The following STK3 variants were observed in gnomAD, a reference collection of about 807,000 sequenced individuals.
STK3 encodes the protein serine/threonine kinase 3.
Under a neutral mutation model 58.0 loss-of-function variants are expected in STK3, and 41 were observed. The ratio of observed to expected loss-of-function variants is 0.71; its 90% CI spans 0.55 to 0.92. The LOEUF (loss-of-function observed/expected upper bound fraction) is 0.92, where lower values mean the gene tolerates loss of function less well. Among genes scored for constraint, STK3 ranks in the 40% least tolerant of loss-of-function variants. The pLI, the probability that STK3 is intolerant of heterozygous loss-of-function variation, is 0.00. For missense variants in STK3, 479 were observed against 602.7 expected (o/e 0.79, Z 2.15); for synonymous variants, 170 against 191.0 (o/e 0.89, Z 0.91).
At chr8:98,787,146 C>A (rs1192586634) in intron 1 of STK3, among the ~76,000 whole-genome samples, 2 of 104,070 alleles carry the variant, frequency 1.9e-5, no homozygotes, top group African/African-American at 7.8e-5. Context: ...TCCAATCTGG[C>A]AACAGAGCGA....
chr8:98,797,486 A>G (rs547850772), intron 1 of STK3, among the ~76,000 whole-genome samples: 68 of 152,314 alleles, frequency 4.5e-4, no homozygotes, highest in African/African-American at 1.6e-3. Context: ...CCTTTCTGGT[A>G]TGTCATTACA....
chr8:98,886,287 G>C (rs1262669279), intron 1 of STK3, among the ~76,000 whole-genome samples: 1 of 152,164 alleles, frequency 6.6e-6, no homozygotes, highest in Non-Finnish European at 1.5e-5. Context: ...TACTAGAGTT[G>C]GGTAAGATTT....
intron 10 of STK3, among the ~76,000 whole-genome samples, chr8:98,480,646 A>G (rs1247828298): frequency 1.3e-5 from 2 of 152,208 alleles, no homozygotes; most frequent in Non-Finnish European, 2.9e-5. Flanking sequence ...AGCGATGACA[A>G]TATCTCTCTA....
chr8:98,915,377 A>G (rs1188168890), intron 1 of STK3, among the ~76,000 whole-genome samples: 1 of 146,978 alleles, frequency 6.8e-6, no homozygotes. Context: ...CTCAGCCTGC[A>G]GACGGCTTAC....
chr8:98,452,914 C>A (rs965536745), downstream of STK3, among the ~76,000 whole-genome samples: 1 of 149,484 alleles, frequency 6.7e-6, no homozygotes, highest in Non-Finnish European at 1.5e-5. Context: ...GCGCCTGCTA[C>A]CACGATCAGC....
At chr8:98,736,955 A>G (rs899587724) in intron 4 of STK3, among the ~76,000 whole-genome samples, 1 of 152,224 alleles carries the variant, frequency 6.6e-6, no homozygotes, top group Non-Finnish European at 1.5e-5. Context: ...TAATATATGT[A>G]GTATATACAT....
chr8:98,513,539 A>G (rs1199209221), intron 10 of STK3, among the ~76,000 whole-genome samples: 1 of 152,186 alleles, frequency 6.6e-6, no homozygotes, highest in Non-Finnish European at 1.5e-5. Flanking sequence ...ATGACCTGGC[A>G]TATGTCCCTA....
intron 4 of STK3, among the ~76,000 whole-genome samples, chr8:98,737,746 C>T (rs192860090): frequency 1.2e-4 from 19 of 152,084 alleles, no homozygotes; most frequent in East Asian, 3.9e-4. Context: ...TTCACTCTTT[C>T]GCCTAGGCTA....
rs149478538 is a variant in STK3, at chr8:98,904,460, T to C, written c.-78-20626A>G. 153 of 364,036 alleles carry C rather than the reference T, an allele frequency of 4.2e-4. 1 individual carries two copies. The East Asian group carries it at 7.1e-3, about 17-fold the overall frequency. The allele number at this position is 364,036 out of a possible 1,614,324, so 22.6% of individuals were successfully genotyped here. Reference sequence around the variant, plus strand: ...AAGAATTAAATTAAGAAAGAAAACATAGTTGGTCACAAACTCCTTTTGTTT... The same window carrying C: ...AAGAATTAAATTAAGAAAGAAAACACAGTTGGTCACAAACTCCTTTTGTTT... On this transcript the variant is annotated intron_variant, in intron 1 of 1. Transcript: ENST00000519420.
chr8:98,700,772 G>A (rs549470499), intron 6 of STK3, among the ~76,000 whole-genome samples: 13 of 152,186 alleles, frequency 8.5e-5, no homozygotes, highest in African/African-American at 3.1e-4. Context: ...AAATCATCAG[G>A]TACTTCTCCT....
At chr8:98,561,916 C>T (rs1179362597) in intron 8 of STK3, among the ~76,000 whole-genome samples, 1 of 151,886 alleles carries the variant, frequency 6.6e-6, no homozygotes, top group Non-Finnish European at 1.5e-5. Flanking sequence ...AAAAGATGCC[C>T]GACATCTTCA....
chr8:98,477,831 T>TG (rs1199241219), intron 10 of STK3, among the ~76,000 whole-genome samples: 1 of 149,232 alleles, frequency 6.7e-6, no homozygotes, highest in Non-Finnish European at 1.5e-5. Context: ...GAACGTTTGG[T>TG]GGGGTCAGGG....
At chr8:98,811,552 A>G (rs917335258) in intron 1 of STK3, among the ~76,000 whole-genome samples, 1 of 151,994 alleles carries the variant, frequency 6.6e-6, no homozygotes, top group African/African-American at 2.4e-5. Context: ...AAAGAAAAAA[A>G]AAAAAAACCT....
chr8:98,687,421 C>T (rs1824081756), intron 6 of STK3, among the ~76,000 whole-genome samples: 1 of 152,208 alleles, frequency 6.6e-6, no homozygotes, highest in African/African-American at 2.4e-5. Context: ...CAGTGCTGAT[C>T]TGACAGGAGG....
intron 1 of STK3, among the ~76,000 whole-genome samples, chr8:98,927,691 T>A (rs1839852435): frequency 6.6e-6 from 1 of 152,216 alleles, no homozygotes; most frequent in Admixed American, 6.5e-5. Context: ...AACTAGGCAG[T>A]CTTGTCCCAG....
intron 1 of STK3, among the ~76,000 whole-genome samples, chr8:98,380,734 A>G (rs1306780991): frequency 1.3e-5 from 2 of 152,194 alleles, no homozygotes; most frequent in Non-Finnish European, 2.9e-5. Context: ...TTCTTTGATT[A>G]TTAGAAAAGT....
At chr8:98,498,372 G>C (rs564529148) in intron 10 of STK3, among the ~76,000 whole-genome samples, 73 of 152,252 alleles carry the variant, frequency 4.8e-4, no homozygotes, top group Non-Finnish European at 9.9e-4. Flanking sequence ...GCTAGTTCCT[G>C]TGTTCCATTC....
intron 3 of STK3, among the ~76,000 whole-genome samples, chr8:98,411,693 T>C (rs1354366161): frequency 6.6e-6 from 1 of 152,232 alleles, no homozygotes; most frequent in African/African-American, 2.4e-5. Context: ...CAAAATTTAA[T>C]GTACCCAGGG....
At chr8:98,739,301 C>T (rs973604796) in intron 4 of STK3, among the ~76,000 whole-genome samples, 2 of 152,204 alleles carry the variant, frequency 1.3e-5, no homozygotes, top group African/African-American at 4.8e-5. Context: ...TCAAGTGGGT[C>T]CCTGACCCCT....
Sources: gnomAD v4.1 joint callset for allele counts (sites outside exome capture counted in the v4.1 genomes callset) on GRCh38, gnomAD v4.1.1 for gene constraint, MANE v1.5 for transcripts, NCBI Gene and HGNC (gene_info 2026-07-23, HGNC 2026-07-21) for gene names.